The following FAM149A variants were observed in gnomAD, a reference collection of about 807,000 sequenced individuals.
FAM149A encodes the protein protein FAM149A.
A neutral mutation model predicts 78.2 loss-of-function variants in FAM149A; 71 were observed. The observed-to-expected ratio is 0.91, with a 90% CI of 0.75 to 1.11. The LOEUF (loss-of-function observed/expected upper bound fraction) is 1.11, where lower values mean the gene tolerates loss of function less well. FAM149A is among the 50% of genes least tolerant of loss of function. FAM149A has a pLI of 0.00. For missense variants in FAM149A, 1,036 were observed against 971.0 expected (o/e 1.07, Z -0.89); for synonymous variants, 446 against 410.5 (o/e 1.09, Z -1.04).
chr4:186,170,028 G>T (rs1263062772), intron 13 of FAM149A: 4 of 776,838 alleles, frequency 5.1e-6, no homozygotes, highest in Admixed American at 6.2e-5. Flanking sequence ...TGGGGAGTGG[G>T]AAGGGTATGT....
At position 186,105,595 on chromosome 4, in the gene FAM149A, C is replaced by T. The variant is rs2150072767; in HGVS notation, c.519C>T (p.Asp173=). The T allele has an allele frequency of 1.9e-6, 2 of 1,055,754 alleles. No individual in the cohort carries two copies. Among genetic ancestry groups the T allele is most frequent in the South Asian group, 2.5e-5 (1 of 39,832 alleles). 65.4% of individuals were successfully genotyped at this position (1,055,754 alleles called of 1,614,324 possible). A position where few individuals can be genotyped will look rare whatever the true frequency, so the allele number is the denominator to read the frequency against. The stretch of plus-strand genomic sequence containing the variant: ...GAACCCTGTTCCTTACGCTGCCTGA[C>T]ATCGGCGAGGAGGGGGCCTCGGACG... The change falls in exon 1 of 14, where the codon GAC becomes GAT. Residue 173 remains aspartate, a synonymous_variant. Coordinates refer to ENST00000389354, the MANE Select transcript of FAM149A (RefSeq NM_001367768.3).
chr4:186,167,124 A>G (rs746114092), intron 12 of FAM149A, 28 bp downstream of exon 12: 3 of 1,602,842 alleles, frequency 1.9e-6, no homozygotes, highest in Non-Finnish European at 8.5e-7. Context: ...TGTAACTTTA[A>G]TTTTGAAAAA....
chr4:186,127,293 C>T, intron 1 of FAM149A: 1 of 983,294 alleles, frequency 1.0e-6, no homozygotes, highest in Non-Finnish European at 1.2e-6. Context: ...GTTAGTCTAC[C>T]AGCACACTGC....
intron 1 of FAM149A, chr4:186,116,448 A>AG: frequency 1.0e-6 from 1 of 984,394 alleles, no homozygotes; most frequent in Non-Finnish European, 1.2e-6. Context: ...TTACAGTCAT[A>AG]TGACCATTAC....
At chr4:186,142,810 C>T (rs2099326394) in intron 1 of FAM149A, among the ~76,000 whole-genome samples, 1 of 152,144 alleles carries the variant, frequency 6.6e-6, no homozygotes, top group African/African-American at 2.4e-5. Context: ...CTGAGCAACC[C>T]CACGGGGAGC....
intron 1 of FAM149A, among the ~76,000 whole-genome samples, chr4:186,134,257 A>G (rs2099321909): frequency 6.6e-6 from 1 of 152,198 alleles, no homozygotes; most frequent in Non-Finnish European, 1.5e-5. Context: ...AGATAGACAC[A>G]TCCCAGCCTC....
chr4:186,124,930 T>G lies in FAM149A; in HGVS notation c.566+19288T>G, dbSNP rs186435956. Among the ~76,000 whole-genome samples the G allele has an allele frequency of 3.9e-3, 589 of 152,244 alleles. 3 individuals are homozygous for G. Among genetic ancestry groups the G allele is most frequent in the Non-Finnish European group, 5.6e-3 (384 of 68,012 alleles). ...CCACATCCTCTCCAGCACCTGTTGT[T>G]TCCTGACTTTTTAATGATCGCCATT... On this transcript the variant is annotated intron_variant, in intron 1 of 13. Coordinates refer to ENST00000389354, the MANE Select transcript of FAM149A (RefSeq NM_001367768.3).
chr4:186,152,532 CTTTTTGCTTTTTTTTTTTTT>C (rs1414466411), intron 4 of FAM149A, among the ~76,000 whole-genome samples: 1 of 108,910 alleles, frequency 9.2e-6, no homozygotes, highest in Non-Finnish European at 1.9e-5. Context: ...CTTTTCTTTT[CTTTTTGCTTTTTTTTTTTTT>C]TTTTTTTTTT....
chr4:186,158,910 T>A, intron 8 of FAM149A: 1 of 575,870 alleles, frequency 1.7e-6, no homozygotes, highest in Non-Finnish European at 2.2e-6. Context: ...AACATCAGTT[T>A]CTATTTAAAA....
At chr4:186,115,033 A>G (rs1579773764) in intron 1 of FAM149A, among the ~76,000 whole-genome samples, 1 of 5,338 alleles carries the variant, frequency 1.9e-4, no homozygotes, top group African/African-American at 3.5e-4. Context: ...CAGGTACACC[A>G]ATCAGACGTA....
intron 3 of FAM149A, among the ~76,000 whole-genome samples, chr4:186,150,458 C>G (rs1391901323): frequency 1.4e-3 from 140 of 102,116 alleles, no homozygotes; most frequent in East Asian, 2.3e-3. Flanking sequence ...CTCGCTCTGT[C>G]GCCCAGGCTG....
Position 186,152,019 on chromosome 4 carries a change from G to A in FAM149A, c.906G>A (p.Glu302=). The A allele has an allele frequency of 6.2e-7, 1 of 1,614,082 alleles. No individual in the cohort carries two copies. The highest frequency in any genetic ancestry group is 2.2e-5 in the East Asian group (1 of 44,884). The change falls in exon 4 of 14, where the codon GAG becomes GAA. Residue 302 remains glutamate (E), a synonymous_variant. Coordinates refer to ENST00000389354, the MANE Select transcript of FAM149A (RefSeq NM_001367768.3). Reference sequence around the variant, plus strand: ...AGAGTCTGCTGGCCGAATGCGGGGAGTGGACAAGAAGATCCCTCCATTTGA... The same window carrying A: ...AGAGTCTGCTGGCCGAATGCGGGGAATGGACAAGAAGATCCCTCCATTTGA...
intron 1 of FAM149A, among the ~76,000 whole-genome samples, chr4:186,140,851 A>G (rs553789949): frequency 5.3e-5 from 8 of 152,372 alleles, no homozygotes; most frequent in Admixed American, 5.2e-4. Flanking sequence ...TAGGAGATAC[A>G]TGTCTACATC....
At chr4:186,124,768 G>T in intron 1 of FAM149A, among the ~76,000 whole-genome samples, 1 of 152,064 alleles carries the variant, frequency 6.6e-6, no homozygotes. Flanking sequence ...TAATCCTTTG[G>T]GTATATACCC....
intron 1 of FAM149A, among the ~76,000 whole-genome samples, chr4:186,136,970 CTCTCTT>C (rs1338342630): frequency 0.068 from 5,044 of 74,694 alleles, 256 homozygotes; most frequent in East Asian, 0.16. Flanking sequence ...CTCTTTCTCT[CTCTCTT>C]TCTCTCTCTC....
At chr4:186,137,000 C>CTT (rs2099323539) in intron 1 of FAM149A, among the ~76,000 whole-genome samples, 2 of 136,846 alleles carry the variant, frequency 1.5e-5, no homozygotes, top group Non-Finnish European at 3.1e-5. Flanking sequence ...CTCTCTCTCT[C>CTT]TCTCTCTCTC....
rs753781631 is a variant in FAM149A, at chr4:186,171,909, T to G, written c.2219-5T>G. 1.2e-6 allele frequency: 2 copies of G among 1,603,800 alleles called. No individual in the cohort carries two copies. The highest frequency in any genetic ancestry group is 1.1e-5 in the South Asian group (1 of 88,470). On this transcript the variant is annotated splice_region_variant and splice_polypyrimidine_tract_variant and intron_variant, in intron 13 of 13. Transcript: ENST00000389354. Reference sequence around the variant, plus strand: ...TGAGAATTACCTTTTGCTTGGTGTTTCCAGGTTCACAATATGTGCCTAAAT... The same window carrying G: ...TGAGAATTACCTTTTGCTTGGTGTTGCCAGGTTCACAATATGTGCCTAAAT...
intron 1 of FAM149A, among the ~76,000 whole-genome samples, chr4:186,139,166 C>G (rs753582409): frequency 1.3e-5 from 2 of 152,150 alleles, no homozygotes; most frequent in Non-Finnish European, 2.9e-5. Context: ...GACATGCTCT[C>G]ATTCTTCTGT....
At chr4:186,132,666 C>T (rs1051074298) in intron 1 of FAM149A, among the ~76,000 whole-genome samples, 2 of 152,106 alleles carry the variant, frequency 1.3e-5, no homozygotes, top group Non-Finnish European at 2.9e-5. Flanking sequence ...ACAAAAGGAG[C>T]AGGGAGGGGA....
Sources: allele counts gnomAD v4.1 joint callset (sites outside exome capture counted in the v4.1 genomes callset), GRCh38; gene constraint gnomAD v4.1.1; transcripts MANE v1.5; gene names NCBI Gene and HGNC (gene_info 2026-07-23, HGNC 2026-07-21).